PLAAT3: variants seen among roughly 807,000 people sequenced by gnomAD.
The protein encoded by PLAAT3 is Ca-independent phospholipase A1/2.
A neutral mutation model predicts 16.7 loss-of-function variants in PLAAT3; 21 were observed. That is an observed-to-expected ratio of 1.26 (90% CI 0.89 to 1.81). The LOEUF is 1.81. Ranked by LOEUF, PLAAT3 falls within the 40% of genes most tolerant of loss-of-function variation. The probability of loss-of-function intolerance (pLI) is 0.00; values close to 1 mark genes in which losing one functional copy is unlikely to be tolerated. For missense variants in PLAAT3, 219 were observed against 213.7 expected, an observed-to-expected ratio of 1.02 and a Z score of -0.16; for synonymous variants, 76 against 81.7, an observed-to-expected ratio of 0.93 and a Z score of 0.38.
chr11:63,591,802 G>A (rs188457375), intron 3 of PLAAT3, among the ~76,000 whole-genome samples: 1 of 152,368 alleles, frequency 6.6e-6, no homozygotes, highest in East Asian at 1.9e-4. Flanking sequence ...TTTGTCGGGA[G>A]GATGAGCTCC....
rs542197490 is a variant in PLAAT3 at position 63,610,620 on chromosome 11, C to T, written c.15+3380G>A. ...CCTCTTCTCTTCTTCTCTCCCCTCC[C>T]CTTTGCACCTTAACTAGTTCCACAC... On this transcript the variant is annotated intron_variant, in intron 2 of 4. Transcript: ENST00000415826. 4.6e-5 allele frequency among the ~76,000 whole-genome samples: 7 copies of T among 152,312 alleles called. No homozygotes were observed. The South Asian group carries it at 1.5e-3, about 32-fold the overall frequency.
chr11:63,599,690 T>G (rs189892820), intron 2 of PLAAT3, among the ~76,000 whole-genome samples: 62 of 152,208 alleles, frequency 4.1e-4, no homozygotes, highest in Admixed American at 1.6e-3. Context: ...TGGTCACAAT[T>G]TATGAATCCC....
At chr11:63,599,961 C>T (rs1017005130) in intron 2 of PLAAT3, among the ~76,000 whole-genome samples, 1 of 152,104 alleles carries the variant, frequency 6.6e-6, no homozygotes, top group African/African-American at 2.4e-5. Flanking sequence ...ATGAGAGGAG[C>T]CCTCACATAG....
At chr11:63,609,186 C>A (rs1938635532) in intron 2 of PLAAT3, among the ~76,000 whole-genome samples, 1 of 152,164 alleles carries the variant, frequency 6.6e-6, no homozygotes, top group South Asian at 2.1e-4. Flanking sequence ...GTGTGGAAAC[C>A]CCTAAACTCA....
intron 3 of PLAAT3, among the ~76,000 whole-genome samples, chr11:63,593,003 C>A (rs563947943): frequency 6.6e-6 from 1 of 152,238 alleles, no homozygotes; most frequent in South Asian, 2.1e-4. Context: ...TGTGACACAC[C>A]TGTCCACCTG....
chr11:63,597,179 G>A (rs1375097975), intron 3 of PLAAT3, among the ~76,000 whole-genome samples: 5 of 151,948 alleles, frequency 3.3e-5, no homozygotes, highest in East Asian at 1.9e-4. Flanking sequence ...CTGCCATGAT[G>A]GTAAGTTTCC....
chr11:63,605,887 G>T lies in PLAAT3; in HGVS notation c.16-7724C>A, dbSNP rs76456219. Among the ~76,000 whole-genome samples, 941 of 151,850 alleles carry T rather than the reference G, an allele frequency of 6.2e-3. 13 individuals carry two copies. Among genetic ancestry groups the T allele is most frequent in the African/African-American group, 0.021 (880 of 41,282 alleles). Reference sequence around the variant, plus strand: ...TTGTTTGTTTAATTTAAGAACTAACGCACTGAGGGAGTCCCAAGCGATGTC... The same window carrying T: ...TTGTTTGTTTAATTTAAGAACTAACTCACTGAGGGAGTCCCAAGCGATGTC... On this transcript the variant is annotated intron_variant, in intron 2 of 4. Coordinates refer to ENST00000415826, the MANE Select transcript of PLAAT3 (RefSeq NM_001128203.2).
chr11:63,607,905 G>A (rs575134875), intron 2 of PLAAT3, among the ~76,000 whole-genome samples: 1 of 152,060 alleles, frequency 6.6e-6, no homozygotes, highest in Admixed American at 6.6e-5. Flanking sequence ...TTCCCAGGTG[G>A]GCCGGGCACA....
At chr11:63,606,161 C>T (rs983472930) in intron 2 of PLAAT3, among the ~76,000 whole-genome samples, 2 of 152,166 alleles carry the variant, frequency 1.3e-5, no homozygotes, top group Non-Finnish European at 1.5e-5. Flanking sequence ...GGATGCCCAC[C>T]TCTGCTTTGG....
At chr11:63,598,404 T>C (rs1186857037) in intron 2 of PLAAT3, among the ~76,000 whole-genome samples, 4 of 152,252 alleles carry the variant, frequency 2.6e-5, no homozygotes, top group Admixed American at 2.0e-4. Flanking sequence ...CTAAAAGGTT[T>C]CTTCATGAGC....
chr11:63,593,470 G>A (rs557603599), intron 3 of PLAAT3, among the ~76,000 whole-genome samples: 2 of 152,364 alleles, frequency 1.3e-5, no homozygotes, highest in Admixed American at 1.3e-4. Flanking sequence ...AGACCCAGGA[G>A]GGGAGAAGAG....
chr11:63,581,677 T>C (rs983723029), intron 4 of PLAAT3, among the ~76,000 whole-genome samples: 7 of 152,242 alleles, frequency 4.6e-5, no homozygotes, highest in African/African-American at 1.4e-4. Flanking sequence ...TCCCTGTTTG[T>C]ACGCCCTCTC....
At chr11:63,615,314 G>GTATATGTGTA (rs1565260137), upstream of PLAAT3, among the ~76,000 whole-genome samples, 3 of 41,744 alleles carry the variant, frequency 7.2e-5, 1 homozygote, top group South Asian at 3.1e-3. Flanking sequence ...ATATATGTGT[G>GTATATGTGTA]TATATATGTG....
chr11:63,597,248 G>A (rs1938311674), intron 3 of PLAAT3, among the ~76,000 whole-genome samples: 1 of 152,156 alleles, frequency 6.6e-6, no homozygotes, highest in South Asian at 2.1e-4. Context: ...TGAAGGGCCG[G>A]GCGCGGTGGC....
At chr11:63,591,664 C>T (rs1225698841) in intron 3 of PLAAT3, among the ~76,000 whole-genome samples, 1 of 152,248 alleles carries the variant, frequency 6.6e-6, no homozygotes, top group African/African-American at 2.4e-5. Flanking sequence ...AGCCTGCATG[C>T]AATGCCTACA....
chr11:63,615,791 C>T (rs1011622794), upstream of PLAAT3, among the ~76,000 whole-genome samples: 14 of 151,764 alleles, frequency 9.2e-5, no homozygotes, highest in East Asian at 1.9e-4. Context: ...CCTCAGCCTC[C>T]GGAGTAGTTG....
At chr11:63,599,745 A>G (rs754767076) in intron 2 of PLAAT3, among the ~76,000 whole-genome samples, 7 of 152,104 alleles carry the variant, frequency 4.6e-5, no homozygotes, top group Non-Finnish European at 5.9e-5. Flanking sequence ...GTTTGGTCAG[A>G]GTTTGGGGAT....
intron 4 of PLAAT3, among the ~76,000 whole-genome samples, chr11:63,582,320 G>C (rs1416576160): frequency 6.6e-6 from 1 of 152,166 alleles, no homozygotes; most frequent in Non-Finnish European, 1.5e-5. Context: ...TGACAGCCAA[G>C]GGGAGTCCAG....
At position 63,614,022 on chromosome 11, in the gene PLAAT3, C is replaced by T. The variant is rs778693698; in HGVS notation, c.-8G>A. On this transcript the variant is annotated 5_prime_UTR_variant, in exon 2 of 5. Transcript: ENST00000415826. ...TACAATGGGCGCACGCATCTTCCCT[C>T]GCGGTGTGGACCCTCAAGGCCAGGC... 2 of 1,611,992 alleles carry T rather than the reference C, an allele frequency of 1.2e-6. No homozygotes were observed. Among genetic ancestry groups the T allele is most frequent in the Non-Finnish European group, 8.5e-7 (1 of 1,178,204 alleles).
Sources: allele counts gnomAD v4.1 joint callset (sites outside exome capture counted in the v4.1 genomes callset), GRCh38; gene constraint gnomAD v4.1.1; transcripts MANE v1.5; gene names NCBI Gene and HGNC (gene_info 2026-07-23, HGNC 2026-07-21).